The following NR2C2 variants were observed in gnomAD, a reference collection of about 807,000 sequenced individuals.
The protein encoded by NR2C2 is Nuclear hormone receptor TR4.
In NR2C2, 6 loss-of-function variants were observed where a neutral mutation model predicts 62.9. The observed-to-expected ratio is 0.10, with a 90% CI of 0.05 to 0.19. The LOEUF is 0.19. NR2C2 is among the 10% of genes least tolerant of loss of function. The probability of loss-of-function intolerance (pLI) is 1.00; values close to 1 mark genes in which losing one functional copy is unlikely to be tolerated. For synonymous variants in NR2C2, 272 were observed against 273.8 expected, an observed-to-expected ratio of 0.99 and a Z score of 0.07; for missense variants, 479 against 762.7, an observed-to-expected ratio of 0.63 and a Z score of 4.38.
intron 1 of NR2C2, among the ~76,000 whole-genome samples, chr3:14,949,593 G>A (rs2039282085): frequency 6.6e-6 from 1 of 152,164 alleles, no homozygotes; most frequent in African/African-American, 2.4e-5. Flanking sequence ...TGGGAGGAGG[G>A]CCTCAGAAAC....
At chr3:14,952,051 G>C (rs1286886579) in intron 1 of NR2C2, among the ~76,000 whole-genome samples, 1 of 152,206 alleles carries the variant, frequency 6.6e-6, no homozygotes, top group Non-Finnish European at 1.5e-5. Context: ...CAGCAACTGG[G>C]AAGTTTTTAG....
intron 11 of NR2C2, among the ~76,000 whole-genome samples, chr3:15,036,222 C>A (rs545921662): frequency 6.6e-6 from 1 of 152,118 alleles, no homozygotes; most frequent in East Asian, 1.9e-4. Flanking sequence ...GGGCACAAAC[C>A]TGCACCATGC....
At position 15,030,476 on chromosome 3, in the gene NR2C2, G is replaced by A. The variant is rs1249573904; in HGVS notation, c.1110+24G>A. 4 of 1,548,214 alleles carry A rather than the reference G, an allele frequency of 2.6e-6. No individual in the cohort carries two copies. The South Asian group carries it at 3.7e-5, about 14-fold the overall frequency. ...AGGTGAGTGAATTCAGCCTAACCAT[G>A]TGCCCCCAACCTGCTGGGGGATAGG... On this transcript the variant is annotated intron_variant, in intron 9 of 13. Transcript: ENST00000425241.
chr3:15,019,929 A>G (rs1389603853), intron 4 of NR2C2, among the ~76,000 whole-genome samples: 1 of 152,230 alleles, frequency 6.6e-6, no homozygotes, highest in Non-Finnish European at 1.5e-5. Context: ...TAACAAAGAA[A>G]TGATAAATGC....
chr3:15,041,468 ACATTTTC>A lies in NR2C2; in HGVS notation c.1617-1364_1617-1358del, dbSNP rs1181769801. Among the ~76,000 whole-genome samples the A allele has an allele frequency of 5.3e-5, 8 of 152,340 alleles. No individual in the cohort carries two copies. In the East Asian group the frequency reaches 1.5e-3, roughly 29 times the overall value. On this transcript the variant is annotated intron_variant, in intron 13 of 13. Transcript: ENST00000425241. ...GGAATGCTACCTGCATAGTATGAAT[ACATTTTC>A]CCATTTTAAAAATAAGCAGTATTCA...
In NR2C2 at chr3:15,044,491, C is replaced by G. The variant is rs1439136716; in HGVS notation, c.*1483C>G. ...GGAAGTTATGTCTAACTTCAAACAC[C>G]CGTAAATTCCCACGGATGTGAATAT... On this transcript the variant is annotated 3_prime_UTR_variant, in exon 14 of 14. Coordinates refer to ENST00000425241, the MANE Select transcript of NR2C2 (RefSeq NM_001291694.2). 1 of 152,160 alleles carries G rather than the reference C, an allele frequency of 6.6e-6. No homozygotes were observed. Among genetic ancestry groups the G allele is most frequent in the African/African-American group, 2.4e-5 (1 of 41,430 alleles). The allele number at this position is 152,160 out of a possible 1,614,324, so 9.4% of individuals were successfully genotyped here.
chr3:14,996,085 T>C (rs1303154180), intron 1 of NR2C2, among the ~76,000 whole-genome samples: 1 of 152,238 alleles, frequency 6.6e-6, no homozygotes, highest in Non-Finnish European at 1.5e-5. Context: ...TTATCAAATG[T>C]GATTTGAGAA....
At chr3:15,016,289 G>T in intron 4 of NR2C2, 35 bp downstream of exon 4, 1 of 1,460,066 alleles carries the variant, frequency 6.8e-7, no homozygotes, top group Non-Finnish European at 9.6e-7. Context: ...CACTTATAAT[G>T]GGCCAACAGC....
chr3:14,963,148 A>C (rs560299635), intron 1 of NR2C2, among the ~76,000 whole-genome samples: 2 of 152,352 alleles, frequency 1.3e-5, no homozygotes, highest in East Asian at 3.9e-4. Context: ...GGACGTAGGC[A>C]TTAAGTAGCT....
chr3:15,013,472 T>C, intron 2 of NR2C2, 117 bp from the exon 3 acceptor site: 1 of 804,440 alleles, frequency 1.2e-6, no homozygotes, highest in Non-Finnish European at 2.1e-6. Flanking sequence ...TGAAAATGCA[T>C]GTTAGACAGC....
rs778162047 is a variant in NR2C2 at position 15,037,983 on chromosome 3, G to C, written c.1373-17G>C. 1.9e-6 allele frequency: 3 copies of C among 1,610,512 alleles called. No individual in the cohort carries two copies. Among genetic ancestry groups the C allele is most frequent in the African/African-American group, 2.7e-5 (2 of 74,832 alleles). ...TTCTTACCAGCCTTTCTCAGGATCT[G>C]TGATGTTGGTTTCTAGATAAACTTT... On this transcript the variant is annotated splice_polypyrimidine_tract_variant and intron_variant, in intron 11 of 13. Transcript: ENST00000425241.
At chr3:14,960,837 A>G (rs1043871208) in intron 1 of NR2C2, among the ~76,000 whole-genome samples, 7 of 152,204 alleles carry the variant, frequency 4.6e-5, no homozygotes, top group African/African-American at 1.7e-4. Flanking sequence ...TACATGCAAT[A>G]CTTGTATTTT....
chr3:15,001,066 G>T (rs373859025), intron 1 of NR2C2, among the ~76,000 whole-genome samples: 1 of 151,750 alleles, frequency 6.6e-6, no homozygotes, highest in Non-Finnish European at 1.5e-5. Flanking sequence ...CACCTGCCTC[G>T]GCCTCCCAAA....
chr3:14,969,147 TAAAAA>T (rs902448481), intron 1 of NR2C2, among the ~76,000 whole-genome samples: 5 of 146,864 alleles, frequency 3.4e-5, no homozygotes, highest in Non-Finnish European at 7.5e-5. Flanking sequence ...AATAATAAAT[TAAAAA>T]AAGAAAAAAA....
At chr3:15,012,246 G>T (rs1171841997) in intron 2 of NR2C2, among the ~76,000 whole-genome samples, 1 of 150,204 alleles carries the variant, frequency 6.7e-6, no homozygotes, top group Non-Finnish European at 1.5e-5. Flanking sequence ...TTTTTTTGGA[G>T]ACGGAGTTTC....
intron 1 of NR2C2, among the ~76,000 whole-genome samples, chr3:14,970,988 TCAA>T (rs915780681): frequency 6.6e-6 from 1 of 152,262 alleles, no homozygotes; most frequent in African/African-American, 2.4e-5. Flanking sequence ...CATGAGAAAT[TCAA>T]CAATTTATTA....
intron 11 of NR2C2, among the ~76,000 whole-genome samples, chr3:15,036,252 A>T (rs556140259): frequency 1.3e-5 from 2 of 152,018 alleles, no homozygotes; most frequent in Non-Finnish European, 2.9e-5. Flanking sequence ...AGTCCAGGAC[A>T]TACGTACCTC....
chr3:15,023,441 A>G (rs1575019764), intron 6 of NR2C2, 94 bp downstream of exon 6: 1 of 1,385,830 alleles, frequency 7.2e-7, no homozygotes, highest in African/African-American at 1.4e-5. Flanking sequence ...CTTCCCACCC[A>G]TCTGCCATAG....
chr3:15,039,103 G>T lies in NR2C2; in HGVS notation c.1511-19G>T. The stretch of plus-strand genomic sequence containing the variant: ...TCAAATACAGAGGGAACTGGGGGGG[G>T]GTACTTTTCTGTTTTCAGATCATCC... On this transcript the variant is annotated intron_variant, in intron 12 of 13. Coordinates refer to ENST00000425241, the MANE Select transcript of NR2C2 (RefSeq NM_001291694.2). 6.3e-7 allele frequency: 1 copy of T among 1,577,470 alleles called. No individual in the cohort carries two copies. Among genetic ancestry groups the T allele is most frequent in the Non-Finnish European group, 8.7e-7 (1 of 1,147,998 alleles).
Sources: allele counts gnomAD v4.1 joint callset (sites outside exome capture counted in the v4.1 genomes callset), GRCh38; gene constraint gnomAD v4.1.1; transcripts MANE v1.5; gene names NCBI Gene and HGNC (gene_info 2026-07-23, HGNC 2026-07-21).